The following SATL1 variants were observed in gnomAD, a reference collection of about 807,000 sequenced individuals.
The protein encoded by SATL1 is spermidine/spermine N1-acetyl transferase like 1.
SATL1 carries 47 observed loss-of-function variants against 51.8 expected under a neutral mutation model. The observed-to-expected ratio is 0.91, with a 90% confidence interval of 0.72 to 1.16. The LOEUF (loss-of-function observed/expected upper bound fraction) is 1.16. SATL1 is among the 50% of genes most tolerant of loss of function. The probability of loss-of-function intolerance (pLI) is 0.00; values close to 1 mark genes in which losing one functional copy is unlikely to be tolerated. For synonymous variants in SATL1, 176 were observed against 182.4 expected (o/e 0.97, Z 0.28); for missense variants, 520 against 526.4 (o/e 0.99, Z 0.12).
In SATL1 at chrX:85,109,105, C is replaced by A; in HGVS notation, c.-137G>T. On this transcript the variant is annotated 5_prime_UTR_variant, in exon 3 of 8. Transcript: ENST00000644105. ...GTGGTGGGAGGTTGTTGGCTGTTCCCAGTTCTTCTCAATTTGATTCGCCCA... is the reference window on the plus strand; with the variant it reads ...GTGGTGGGAGGTTGTTGGCTGTTCCAAGTTCTTCTCAATTTGATTCGCCCA... 1.8e-6 allele frequency: 1 copy of A among 567,091 alleles called. No individual in the cohort carries two copies. The highest frequency in any genetic ancestry group is 2.3e-5 in the African/African-American group (1 of 43,370). 46.7% of individuals were successfully genotyped at this position (567,091 alleles called of 1,213,427 possible).
intron 2 of SATL1, among the ~76,000 whole-genome samples, chrX:85,109,676 G>A (rs1234236716): frequency 1.8e-5 from 2 of 111,523 alleles, no homozygotes; most frequent in Non-Finnish European, 3.8e-5. Context: ...TCCCGATGAA[G>A]TGCTCAAGTC....
At chrX:85,158,825 C>G (rs956870562) in intron 2 of SATL1, among the ~76,000 whole-genome samples, 5 of 111,458 alleles carry the variant, frequency 4.5e-5, no homozygotes, top group African/African-American at 1.6e-4. Flanking sequence ...GTGATAATCA[C>G]AAACTTACCA....
intron 2 of SATL1, among the ~76,000 whole-genome samples, chrX:85,218,856 A>T (rs939232527): frequency 8.9e-6 from 1 of 112,273 alleles, no homozygotes; most frequent in Admixed American, 9.4e-5. Context: ...ACAAGTATTT[A>T]ATGGTTATTT....
At chrX:85,145,997 C>T (rs1358649730) in intron 2 of SATL1, among the ~76,000 whole-genome samples, 2 of 108,867 alleles carry the variant, frequency 1.8e-5, no homozygotes, top group Non-Finnish European at 3.8e-5. Flanking sequence ...CCCGGGTTCA[C>T]ACCATTCTCC....
intron 2 of SATL1, among the ~76,000 whole-genome samples, chrX:85,145,168 T>C (rs755014186): frequency 2.5e-4 from 28 of 112,107 alleles, no homozygotes; most frequent in Non-Finnish European, 4.5e-4. Context: ...ACATTGGGAA[T>C]GAAGAGAGCA....
intron 2 of SATL1, among the ~76,000 whole-genome samples, chrX:85,185,698 A>G (rs1602897412): frequency 9.0e-6 from 1 of 111,118 alleles, no homozygotes. Flanking sequence ...AAACGCTGTC[A>G]AGCCTGAGTC....
At chrX:85,128,382 T>C (rs1199750705) in intron 2 of SATL1, among the ~76,000 whole-genome samples, 8 of 112,380 alleles carry the variant, frequency 7.1e-5, no homozygotes, top group African/African-American at 2.6e-4. Context: ...TTGATTTGCA[T>C]TTCTCTGATG....
At chrX:85,110,149 A>G (rs775334953) in intron 2 of SATL1, among the ~76,000 whole-genome samples, 3 of 112,093 alleles carry the variant, frequency 2.7e-5, no homozygotes, top group Non-Finnish European at 3.8e-5. Context: ...AAACTGACTC[A>G]AAAGATTTGG....
chrX:85,177,667 T>C (rs1270391141), intron 2 of SATL1, among the ~76,000 whole-genome samples: 1 of 111,640 alleles, frequency 9.0e-6, no homozygotes, highest in Non-Finnish European at 1.9e-5. Context: ...CTAAGTGTAA[T>C]AGGAGCAGGA....
intron 2 of SATL1, among the ~76,000 whole-genome samples, chrX:85,217,945 T>G (rs975618325): frequency 8.9e-6 from 1 of 111,919 alleles, no homozygotes; most frequent in African/African-American, 3.2e-5. Flanking sequence ...ATGGAGAAGA[T>G]AGCCAGTATA....
intron 2 of SATL1, among the ~76,000 whole-genome samples, chrX:85,151,993 G>T (rs925951196): frequency 9.1e-6 from 1 of 109,670 alleles, no homozygotes; most frequent in Non-Finnish European, 1.9e-5. Flanking sequence ...AAGAGCTTCT[G>T]CACAGCAAAA....
At chrX:85,135,767 A>T (rs763672133) in intron 2 of SATL1, among the ~76,000 whole-genome samples, 1 of 100,685 alleles carries the variant, frequency 9.9e-6, no homozygotes, top group Non-Finnish European at 2.0e-5. Context: ...TTTCATAGAG[A>T]TGGGGTTTCA....
chrX:85,092,519 C>CG lies in SATL1; in HGVS notation c.1959dup (p.Val654ArgfsTer13). ...TTGATAGAAGCCTGGTTCCAAATGACGACAAGAAAGTGCATGCAGTTACAT... is the reference window on the plus strand; with the variant it reads ...TTGATAGAAGCCTGGTTCCAAATGACGGACAAGAAAGTGCATGCAGTTACAT... On this transcript the variant is annotated frameshift_variant, in exon 8 of 8. Coordinates refer to ENST00000644105, the MANE Select transcript of SATL1 (RefSeq NM_001367857.2). LOFTEE classifies it high-confidence loss of function. 2 of 1,209,825 alleles carry CG rather than the reference C, an allele frequency of 1.7e-6. No individual in the cohort carries two copies. Among genetic ancestry groups the CG allele is most frequent in the Non-Finnish European group, 2.2e-6 (2 of 894,240 alleles).
chrX:85,148,705 C>A (rs1211393691), intron 2 of SATL1, among the ~76,000 whole-genome samples: 1 of 111,378 alleles, frequency 9.0e-6, no homozygotes, highest in African/African-American at 3.3e-5. Flanking sequence ...ATTTCATATG[C>A]AGCCAAACTA....
At chrX:85,104,554 T>A (rs974047075) in intron 3 of SATL1, among the ~76,000 whole-genome samples, 2 of 111,201 alleles carry the variant, frequency 1.8e-5, no homozygotes, top group Non-Finnish European at 3.8e-5. Context: ...ACTTACTGAA[T>A]AACCCATCTT....
At position 85,119,358 on chromosome X, in the gene SATL1, C is replaced by T. The variant is rs1051466969; in HGVS notation, c.-312-10078G>A. Among the ~76,000 whole-genome samples, 5 of 111,475 alleles carry T rather than the reference C, an allele frequency of 4.5e-5. No individual in the cohort carries two copies. The East Asian group carries it at 1.4e-3, about 31-fold the overall frequency. ...GGAAAAAGTAGACATCATGTGCCCA[C>T]GATTATAAACCTTTAAAATGATTGA... On this transcript the variant is annotated intron_variant, in intron 2 of 7. Transcript: ENST00000644105.
At chrX:85,225,558 A>C (rs1160618268) in intron 1 of SATL1, among the ~76,000 whole-genome samples, 1 of 112,129 alleles carries the variant, frequency 8.9e-6, no homozygotes, top group East Asian at 2.8e-4. Flanking sequence ...ACTGCATGGA[A>C]GAGATACTTA....
intron 2 of SATL1, among the ~76,000 whole-genome samples, chrX:85,142,134 C>T (rs1041306148): frequency 7.4e-5 from 8 of 107,501 alleles, no homozygotes; most frequent in Non-Finnish European, 1.3e-4. Context: ...CGGTGGCTCA[C>T]GCCTGTAATC....
intron 2 of SATL1, among the ~76,000 whole-genome samples, chrX:85,205,473 G>T: frequency 8.9e-6 from 1 of 111,792 alleles, no homozygotes; most frequent in Non-Finnish European, 1.9e-5. Flanking sequence ...TAGTGACTTG[G>T]GAGTGGATAA....
Sources: allele counts gnomAD v4.1 joint callset (sites outside exome capture counted in the v4.1 genomes callset), GRCh38; gene constraint gnomAD v4.1.1; transcripts MANE v1.5; gene names NCBI Gene and HGNC (gene_info 2026-07-23, HGNC 2026-07-21).